Variants in RPA1 observed in about 807,000 individuals in gnomAD.
RPA1 encodes the protein replication protein A 70 kDa DNA-binding subunit.
A neutral mutation model predicts 83.0 loss-of-function variants in RPA1; 49 were observed. That is an observed-to-expected ratio of 0.59 (90% CI 0.47 to 0.75). The LOEUF (loss-of-function observed/expected upper bound fraction) is 0.75. Ranked by LOEUF, RPA1 falls within the 30% of genes least tolerant of loss-of-function variation. The pLI is 0.00. For synonymous variants in RPA1, 279 were observed against 281.8 expected (o/e 0.99, Z 0.10); for missense variants, 693 against 776.1 (o/e 0.89, Z 1.27).
At chr17:1,832,160 A>G (rs1911643864) in intron 1 of RPA1, among the ~76,000 whole-genome samples, 1 of 147,034 alleles carries the variant, frequency 6.8e-6, no homozygotes, top group African/African-American at 2.5e-5. Flanking sequence ...TGAACTCCCA[A>G]CCTTAGGTGA....
chr17:1,833,806 A>T (rs1911709351), intron 1 of RPA1, among the ~76,000 whole-genome samples: 1 of 152,158 alleles, frequency 6.6e-6, no homozygotes, highest in South Asian at 2.1e-4. Flanking sequence ...GTAAGCCAAG[A>T]TCGCACCATT....
chr17:1,879,763 C>T (rs1275522050), intron 11 of RPA1, 64 bp downstream of exon 11: 2 of 1,599,362 alleles, frequency 1.3e-6, no homozygotes, highest in Non-Finnish European at 1.7e-6. Context: ...GTGGTCTTGT[C>T]CTATAGGATG....
At chr17:1,848,592 C>T (rs1183821933) in intron 4 of RPA1, among the ~76,000 whole-genome samples, 4 of 151,238 alleles carry the variant, frequency 2.6e-5, no homozygotes, top group African/African-American at 4.8e-5. Flanking sequence ...TCCTGGGTGA[C>T]AAGTTTTTCT....
At chr17:1,856,865 CTG>C (rs1258779088) in intron 5 of RPA1, among the ~76,000 whole-genome samples, 1 of 151,786 alleles carries the variant, frequency 6.6e-6, no homozygotes, top group Non-Finnish European at 1.5e-5. Context: ...CTTTGAGTGT[CTG>C]TAGAATTTGA....
intron 1 of RPA1, among the ~76,000 whole-genome samples, chr17:1,837,610 C>T (rs1031868466): frequency 2.6e-5 from 4 of 152,084 alleles, no homozygotes; most frequent in African/African-American, 4.8e-5. Flanking sequence ...TCTTTGATTT[C>T]GAGTATTCTA....
At chr17:1,849,148 G>T (rs1329141107) in intron 4 of RPA1, among the ~76,000 whole-genome samples, 1 of 152,148 alleles carries the variant, frequency 6.6e-6, no homozygotes, top group Non-Finnish European at 1.5e-5. Flanking sequence ...AACAGCGCGT[G>T]AGTGTGGAGT....
chr17:1,867,953 T>TCGTGTAACTAGTTCCACCTGC (rs1205669654), intron 5 of RPA1, among the ~76,000 whole-genome samples: 2 of 151,658 alleles, frequency 1.3e-5, no homozygotes, highest in African/African-American at 4.9e-5. Flanking sequence ...AGGCGTGATC[T>TCGTGTAACTAGTTCCACCTGC]CGTGTAACTA....
chr17:1,854,209 C>G (rs1326721878), intron 5 of RPA1: 1 of 151,968 alleles, frequency 6.6e-6, no homozygotes, highest in Non-Finnish European at 1.5e-5. Flanking sequence ...ATCACTGGCC[C>G]CATTAAAGGA....
At chr17:1,868,046 T>G (rs1350737169) in intron 5 of RPA1, among the ~76,000 whole-genome samples, 1 of 152,000 alleles carries the variant, frequency 6.6e-6, no homozygotes, top group Non-Finnish European at 1.5e-5. Context: ...ATCATGCCGC[T>G]GTACTCCAAC....
chr17:1,867,337 T>TTG (rs71150830), intron 5 of RPA1, among the ~76,000 whole-genome samples: 80 of 151,104 alleles, frequency 5.3e-4, no homozygotes, highest in African/African-American at 1.1e-3. Flanking sequence ...TTTCTAGTGT[T>TTG]TGTGTGTGTG....
chr17:1,872,848 T>C (rs1913430931), intron 6 of RPA1, among the ~76,000 whole-genome samples: 1 of 151,650 alleles, frequency 6.6e-6, no homozygotes, highest in African/African-American at 2.4e-5. Context: ...GCCTGGCTAA[T>C]TTTTTTGTAG....
chr17:1,872,148 G>A, intron 5 of RPA1: 1 of 397,106 alleles, frequency 2.5e-6, no homozygotes, highest in Non-Finnish European at 4.7e-6. Context: ...GGTTGTTGCA[G>A]GAGAAATGGG....
intron 4 of RPA1, among the ~76,000 whole-genome samples, chr17:1,845,398 G>A (rs1283479238): frequency 6.6e-6 from 1 of 151,606 alleles, no homozygotes; most frequent in Non-Finnish European, 1.5e-5. Context: ...TTAGTGAGGT[G>A]TGGCGGCACA....
rs17292322 is a variant in RPA1, at chr17:1,889,137, A to T, written c.1551+286A>T. Among the ~76,000 whole-genome samples the T allele has an allele frequency of 2.6e-4, 40 of 152,296 alleles. No homozygotes were observed. In the East Asian group the frequency reaches 6.2e-3, roughly 23 times the overall value. Reference sequence around the variant, plus strand: ...TTTGAAAACGGCATTTATAGACAGCACTAATTGTACTTACACAGCCAATGC... The same window carrying T: ...TTTGAAAACGGCATTTATAGACAGCTCTAATTGTACTTACACAGCCAATGC... On this transcript the variant is annotated intron_variant, in intron 14 of 16. Coordinates refer to ENST00000254719, the MANE Select transcript of RPA1 (RefSeq NM_002945.5).
intron 12 of RPA1, among the ~76,000 whole-genome samples, 178 bp downstream of exon 12, chr17:1,880,869 A>G (rs1316681328): frequency 6.6e-6 from 1 of 152,202 alleles, no homozygotes; most frequent in Non-Finnish European, 1.5e-5. Flanking sequence ...CCTTAAACGG[A>G]CAAACCTGTA....
At chr17:1,830,217 A>T (rs1449891731) in intron 1 of RPA1, 91 bp downstream of exon 1, 4 of 681,642 alleles carry the variant, frequency 5.9e-6, no homozygotes, top group Non-Finnish European at 7.7e-6. Context: ...GCCCGGGGCG[A>T]CGGGGGATGA....
chr17:1,843,591 G>A (rs1359472999), intron 2 of RPA1, among the ~76,000 whole-genome samples: 1 of 101,520 alleles, frequency 9.9e-6, no homozygotes, highest in African/African-American at 3.3e-5. Flanking sequence ...GTGTATATTG[G>A]GTGCTTCATT....
intron 6 of RPA1, among the ~76,000 whole-genome samples, chr17:1,874,867 A>G (rs1431665167): frequency 1.3e-5 from 2 of 152,230 alleles, no homozygotes; most frequent in Non-Finnish European, 2.9e-5. Flanking sequence ...TAGATGGTGT[A>G]TTGATATTTT....
chr17:1,837,940 G>C (rs971110414), intron 1 of RPA1, among the ~76,000 whole-genome samples: 1 of 152,038 alleles, frequency 6.6e-6, no homozygotes, highest in Admixed American at 6.6e-5. Flanking sequence ...TTATCAGGTT[G>C]TGTTTTTTTG....
Sources: allele counts gnomAD v4.1 joint callset (sites outside exome capture counted in the v4.1 genomes callset), GRCh38; gene constraint gnomAD v4.1.1; transcripts MANE v1.5; gene names NCBI Gene and HGNC (gene_info 2026-07-23, HGNC 2026-07-21).